The following ELAVL2 variants were observed in gnomAD, a reference collection of about 807,000 sequenced individuals.
ELAVL2 encodes the protein ELAV like RNA binding protein 2.
ELAVL2 carries 4 observed loss-of-function variants against 34.6 expected under a neutral mutation model. The ratio of observed to expected loss-of-function variants is 0.12; its 90% CI spans 0.06 to 0.26. The LOEUF is 0.26. Ranked by LOEUF, ELAVL2 falls within the 10% of genes least tolerant of loss-of-function variation. ELAVL2 has a pLI of 1.00. For synonymous variants in ELAVL2, 193 were observed against 154.8 expected (o/e 1.25, Z -1.83); for missense variants, 432 against 442.8 (o/e 0.98, Z 0.22).
intron 1 of ELAVL2, chr9:23,821,954 C>T (rs1226354245): frequency 6.6e-6 from 1 of 151,460 alleles, no homozygotes; most frequent in Non-Finnish European, 1.5e-5. Flanking sequence ...GCCCGACCGC[C>T]CTTCGGGTCC....
intron 3 of ELAVL2, among the ~76,000 whole-genome samples, chr9:23,705,453 T>C (rs1175365783): frequency 6.6e-6 from 1 of 152,244 alleles, no homozygotes; most frequent in East Asian, 1.9e-4. Flanking sequence ...CCACCTTTAG[T>C]CCAGTTTTAA....
intron 3 of ELAVL2, among the ~76,000 whole-genome samples, chr9:23,719,594 G>A (rs1161751922): frequency 6.6e-6 from 1 of 152,110 alleles, no homozygotes; most frequent in Admixed American, 6.5e-5. Context: ...GCAACATTTG[G>A]TTTACAGGTC....
chr9:23,709,950 C>G (rs1270138146), intron 3 of ELAVL2, among the ~76,000 whole-genome samples: 1 of 151,976 alleles, frequency 6.6e-6, no homozygotes, highest in African/African-American at 2.4e-5. Context: ...GAATTTCTCA[C>G]AAAAGCTACG....
intron 1 of ELAVL2, among the ~76,000 whole-genome samples, chr9:23,825,450 G>C (rs1039603847): frequency 5.9e-5 from 9 of 152,084 alleles, no homozygotes; most frequent in Non-Finnish European, 1.3e-4. Context: ...CTGAGCCAAA[G>C]TAGAGGCATG....
chr9:23,775,573 G>C (rs1588375878), intron 1 of ELAVL2, among the ~76,000 whole-genome samples: 1 of 152,168 alleles, frequency 6.6e-6, no homozygotes, highest in African/African-American at 2.4e-5. Context: ...TTCCACGGCT[G>C]TGGGGATCTA....
At chr9:23,779,301 G>A (rs1379890528) in intron 1 of ELAVL2, 1 of 985,288 alleles carries the variant, frequency 1.0e-6, no homozygotes, top group Non-Finnish European at 1.2e-6. Flanking sequence ...GCTTCACACT[G>A]GCAAAGTGGG....
At chr9:23,821,866 G>A (rs1038462223) in intron 1 of ELAVL2, 5 of 151,352 alleles carry the variant, frequency 3.3e-5, no homozygotes, top group African/African-American at 1.2e-4. Flanking sequence ...CGGGAAGGAG[G>A]GGCTTGCTTG....
chr9:23,808,460 A>G (rs1173974831), intron 1 of ELAVL2, among the ~76,000 whole-genome samples: 1 of 152,174 alleles, frequency 6.6e-6, no homozygotes, highest in African/African-American at 2.4e-5. Flanking sequence ...AAATGTTCAC[A>G]TGTAAACTGG....
At chr9:23,822,179 A>G (rs2064890903) in intron 1 of ELAVL2, among the ~76,000 whole-genome samples, 1 of 152,156 alleles carries the variant, frequency 6.6e-6, no homozygotes. Context: ...TTATGTGTTC[A>G]TAAATGTATT....
At chr9:23,827,518 T>C (rs2065360334), upstream of ELAVL2, among the ~76,000 whole-genome samples, 1 of 151,732 alleles carries the variant, frequency 6.6e-6, no homozygotes, top group Non-Finnish European at 1.5e-5. Flanking sequence ...TAGACAGTTT[T>C]TACCATTCTT....
chr9:23,838,784 G>T, the ELAVL2 span, among the ~76,000 whole-genome samples: 8 of 152,024 alleles, frequency 5.3e-5, no homozygotes, highest in African/African-American at 1.7e-4. Context: ...AAAGTGATTT[G>T]CTTATATTTC....
intron 1 of ELAVL2, among the ~76,000 whole-genome samples, chr9:23,785,863 A>G (rs2059614851): frequency 6.6e-6 from 1 of 152,232 alleles, no homozygotes; most frequent in Admixed American, 6.5e-5. Flanking sequence ...TCAAAAATAA[A>G]GTATCTCAAC....
intron 1 of ELAVL2, among the ~76,000 whole-genome samples, chr9:23,786,802 A>AAAAAAAAAAAAAAAAAAAC (rs1554747169): frequency 1.6e-4 from 20 of 127,336 alleles, no homozygotes; most frequent in Admixed American, 3.2e-4. Flanking sequence ...AAAAAAAAAA[A>AAAAAAAAAAAAAAAAAAAC]AGAGAGAGAG....
chr9:23,729,118 G>A (rs544116549), intron 3 of ELAVL2, among the ~76,000 whole-genome samples: 10 of 152,274 alleles, frequency 6.6e-5, no homozygotes, highest in African/African-American at 2.4e-4. Context: ...TTTCTCCTGT[G>A]GAGACCTATT....
chr9:23,720,253 ACCT>A (rs1014648440), intron 3 of ELAVL2, among the ~76,000 whole-genome samples: 6 of 150,866 alleles, frequency 4.0e-5, no homozygotes, highest in African/African-American at 1.5e-4. Context: ...GCTCACAGCA[ACCT>A]CCGCCTCCCA....
chr9:23,836,160 G>A, the ELAVL2 span, among the ~76,000 whole-genome samples: 6 of 152,252 alleles, frequency 3.9e-5, no homozygotes, highest in African/African-American at 7.2e-5. Context: ...AGATACTGTC[G>A]TAATAGAAAT....
chr9:23,718,673 T>A (rs1232122073), intron 3 of ELAVL2, among the ~76,000 whole-genome samples: 1 of 152,230 alleles, frequency 6.6e-6, no homozygotes, highest in Non-Finnish European at 1.5e-5. Context: ...TTTGTGGGGC[T>A]GACATAAGTT....
chr9:23,779,488 T>C (rs2058741489), intron 1 of ELAVL2: 5 of 839,652 alleles, frequency 6.0e-6, no homozygotes, highest in Non-Finnish European at 7.2e-6. Context: ...CTGGCTTCCT[T>C]AGACTCAGAA....
chr9:23,802,280 T>C (rs762469564), intron 1 of ELAVL2, among the ~76,000 whole-genome samples: 6 of 152,132 alleles, frequency 3.9e-5, no homozygotes, highest in Non-Finnish European at 8.8e-5. Flanking sequence ...AAGAGCGCTA[T>C]AAAAAATACA....
Sources: gnomAD v4.1 joint callset for allele counts (sites outside exome capture counted in the v4.1 genomes callset) on GRCh38, gnomAD v4.1.1 for gene constraint, MANE v1.5 for transcripts, NCBI Gene and HGNC (gene_info 2026-07-23, HGNC 2026-07-21) for gene names.